PTPRD: variants seen among roughly 807,000 people sequenced by gnomAD.
PTPRD encodes protein tyrosine phosphatase receptor type D.
PTPRD carries 34 observed loss-of-function variants against 214.5 expected under a neutral mutation model. The observed-to-expected ratio is 0.16, with a 90% CI of 0.12 to 0.21. The LOEUF is 0.21. Among genes scored for constraint, PTPRD ranks in the 10% least tolerant of loss-of-function variants. PTPRD has a pLI of 1.00. For missense variants in PTPRD, 2,545 were observed against 2,398.7 expected (o/e 1.06, Z -1.27); for synonymous variants, 1,128 against 845.7 (o/e 1.33, Z -5.79).
chr9:9,888,277 G>T (rs1003789286), intron 5 of PTPRD, among the ~76,000 whole-genome samples: 1 of 152,186 alleles, frequency 6.6e-6, no homozygotes, highest in East Asian at 1.9e-4. Flanking sequence ...GTCAGATGAA[G>T]AGCGAGACTC....
At chr9:8,713,790 C>A in intron 12 of PTPRD, 1 of 1,537,598 alleles carries the variant, frequency 6.5e-7, no homozygotes, top group Non-Finnish European at 8.8e-7. Flanking sequence ...GGGTCCTGCG[C>A]CTTCAGCACA....
At chr9:8,735,127 GGTTT>G (rs1458975698) in intron 11 of PTPRD, among the ~76,000 whole-genome samples, 2 of 149,724 alleles carry the variant, frequency 1.3e-5, no homozygotes, top group Non-Finnish European at 3.0e-5. Flanking sequence ...TCAATAATTT[GGTTT>G]TTTTTTGTTT....
intron 4 of PTPRD, among the ~76,000 whole-genome samples, chr9:10,031,907 A>G (rs915141771): frequency 2.6e-5 from 4 of 152,054 alleles, no homozygotes; most frequent in African/African-American, 9.7e-5. Flanking sequence ...GAATTGGTTC[A>G]GCAGTATTAG....
At chr9:10,479,466 C>G (rs976830) in intron 2 of PTPRD, among the ~76,000 whole-genome samples, 143,612 of 151,994 alleles carry the variant, frequency 0.94, 68,373 homozygotes, top group East Asian at 1. Context: ...TACTCTAACC[C>G]GGCACGACTT....
At chr9:9,398,077 T>G (rs1177435776) in intron 8 of PTPRD, among the ~76,000 whole-genome samples, 4 of 151,858 alleles carry the variant, frequency 2.6e-5, no homozygotes, top group Non-Finnish European at 5.9e-5. Context: ...TCTCGAATCA[T>G]AAGCCCACCT....
At chr9:9,299,287 C>G (rs945178528) in intron 9 of PTPRD, among the ~76,000 whole-genome samples, 1 of 151,544 alleles carries the variant, frequency 6.6e-6, no homozygotes, top group African/African-American at 2.4e-5. Flanking sequence ...GGTTATCAAC[C>G]AAAGGGTGAT....
chr9:10,396,150 T>C (rs1044200410), intron 2 of PTPRD, among the ~76,000 whole-genome samples: 2 of 151,992 alleles, frequency 1.3e-5, no homozygotes, highest in Non-Finnish European at 2.9e-5. Flanking sequence ...CACCTTTTTA[T>C]ACTCTATGTA....
At chr9:10,184,191 G>A (rs539610728) in intron 3 of PTPRD, among the ~76,000 whole-genome samples, 2 of 152,204 alleles carry the variant, frequency 1.3e-5, no homozygotes, top group South Asian at 2.1e-4. Flanking sequence ...TTGGGAGGCC[G>A]AGGTGGGCAG....
At chr9:10,524,575 G>A (rs754640201) in intron 2 of PTPRD, among the ~76,000 whole-genome samples, 8 of 151,822 alleles carry the variant, frequency 5.3e-5, no homozygotes, top group East Asian at 1.9e-4. Flanking sequence ...GTTGTATTCC[G>A]TCAAAAATCT....
At chr9:9,046,253 C>G (rs1235025242) in intron 10 of PTPRD, among the ~76,000 whole-genome samples, 6 of 152,120 alleles carry the variant, frequency 3.9e-5, no homozygotes, top group African/African-American at 1.4e-4. Flanking sequence ...ATAGTTTATA[C>G]AAATTACAGA....
intron 10 of PTPRD, among the ~76,000 whole-genome samples, chr9:9,090,738 T>C (rs1437403841): frequency 1.3e-5 from 2 of 152,198 alleles, no homozygotes; most frequent in Non-Finnish European, 2.9e-5. Context: ...GACAATGTCC[T>C]TACTCAAAAC....
At chr9:9,386,896 G>C (rs1458328211) in intron 9 of PTPRD, among the ~76,000 whole-genome samples, 1 of 152,100 alleles carries the variant, frequency 6.6e-6, no homozygotes, top group African/African-American at 2.4e-5. Flanking sequence ...CCAACACAGA[G>C]GCATTTTCCC....
At chr9:9,938,865 C>A (rs977536154) in intron 4 of PTPRD, among the ~76,000 whole-genome samples, 1 of 152,096 alleles carries the variant, frequency 6.6e-6, no homozygotes, top group Non-Finnish European at 1.5e-5. Flanking sequence ...TACTTGAGCA[C>A]AATCATTCCT....
intron 11 of PTPRD, among the ~76,000 whole-genome samples, chr9:8,839,400 A>G (rs979456431): frequency 1.3e-5 from 2 of 152,118 alleles, no homozygotes; most frequent in African/African-American, 4.8e-5. Flanking sequence ...ATCTTGGCTC[A>G]CTGCAGCCTC....
intron 39 of PTPRD, among the ~76,000 whole-genome samples, chr9:8,374,130 G>C (rs201289823): frequency 5.5e-5 from 5 of 91,486 alleles, no homozygotes; most frequent in African/African-American, 4.5e-5. Context: ...GTGTGTGTGT[G>C]TGTGTGTGTG....
chr9:10,552,051 A>G (rs950336252), intron 2 of PTPRD, among the ~76,000 whole-genome samples: 6 of 152,058 alleles, frequency 3.9e-5, no homozygotes, highest in African/African-American at 7.2e-5. Context: ...CTCTCCCACA[A>G]ATTTTCAAAG....
intron 8 of PTPRD, among the ~76,000 whole-genome samples, chr9:9,498,427 G>T (rs1042971739): frequency 1.7e-4 from 26 of 152,024 alleles, no homozygotes; most frequent in African/African-American, 5.6e-4. Context: ...ACTTCACCTG[G>T]GGTTTCATTT....
intron 9 of PTPRD, among the ~76,000 whole-genome samples, chr9:9,385,696 G>C (rs1417483818): frequency 1.3e-5 from 2 of 152,010 alleles, no homozygotes; most frequent in East Asian, 3.9e-4. Flanking sequence ...CTGGGTAAGG[G>C]AACACCCATT....
rs1450452359 is a variant in PTPRD, at chr9:8,929,681, T to TTATATATGTGTATA, written c.-104+89002_-104+89015dup. ...TTGTGTGTCTCTGCCAGGTTTTCTT[T>TTATATATGTGTATA]TATATATGTGTATATATATATGTGT... On this transcript the variant is annotated intron_variant, in intron 11 of 45. Transcript: ENST00000381196. Among the ~76,000 whole-genome samples the TTATATATGTGTATA allele has an allele frequency of 1.4e-3, 170 of 119,694 alleles. 5 individuals carry two copies. Among genetic ancestry groups the TTATATATGTGTATA allele is most frequent in the African/African-American group, 2.6e-3 (76 of 29,460 alleles). 78.5% of individuals were successfully genotyped at this position (119,694 alleles called of 152,430 possible).
Sources: allele counts gnomAD v4.1 joint callset (sites outside exome capture counted in the v4.1 genomes callset), GRCh38; gene constraint gnomAD v4.1.1; transcripts MANE v1.5; gene names NCBI Gene and HGNC (gene_info 2026-07-23, HGNC 2026-07-21).